The following TMEM182 variants were observed in gnomAD, a reference collection of about 807,000 sequenced individuals.
TMEM182 encodes transmembrane protein 182.
A neutral mutation model predicts 26.8 loss-of-function variants in TMEM182; 20 were observed. The ratio of observed to expected loss-of-function variants is 0.75; its 90% CI spans 0.53 to 1.09. The LOEUF is 1.09. Ranked by LOEUF, TMEM182 falls within the 50% of genes least tolerant of loss-of-function variation. The pLI, the probability that TMEM182 is intolerant of heterozygous loss-of-function variation, is 0.00. For missense variants in TMEM182, 277 were observed against 275.5 expected (o/e 1.01, Z -0.04); for synonymous variants, 109 against 102.2 (o/e 1.07, Z -0.40).
At chr2:102,841,494 G>A (rs922497735) in intron 3 of TMEM182, among the ~76,000 whole-genome samples, 1 of 152,128 alleles carries the variant, frequency 6.6e-6, no homozygotes, top group Non-Finnish European at 1.5e-5. Context: ...TTGGCAAGCC[G>A]AGCCCCAGTA....
At chr2:102,787,428 C>T (rs58157716) in intron 3 of TMEM182, among the ~76,000 whole-genome samples, 56 of 152,302 alleles carry the variant, frequency 3.7e-4, no homozygotes, top group African/African-American at 1.3e-3. Flanking sequence ...TCATGAGGAC[C>T]CTACTCTCAT....
In TMEM182 at chr2:102,798,003, A is replaced by G. The variant is rs1681952602; in HGVS notation, c.469+3A>G. The G allele has an allele frequency of 6.2e-7, 1 of 1,611,878 alleles. No individual in the cohort carries two copies. The highest frequency in any genetic ancestry group is 1.1e-5 in the South Asian group (1 of 90,616). On this transcript the variant is annotated splice_donor_region_variant and intron_variant, in intron 4 of 4. Coordinates refer to ENST00000412401, the MANE Select transcript of TMEM182 (RefSeq NM_144632.5). Reference sequence around the variant, plus strand: ...GGGAGGCTCATATATTGCTGCAGGTACGTACGGTGCAATGGGTATGACTTT... The same window carrying G: ...GGGAGGCTCATATATTGCTGCAGGTGCGTACGGTGCAATGGGTATGACTTT...
At chr2:102,809,967 A>G (rs543247323) in intron 4 of TMEM182, among the ~76,000 whole-genome samples, 41 of 152,334 alleles carry the variant, frequency 2.7e-4, no homozygotes, top group African/African-American at 9.4e-4. Context: ...AAGCATGACT[A>G]AAGGAGGCCA....
exon 1 of TMEM182, chr2:102,736,946 T>G (rs1573473905): frequency 6.2e-6 from 7 of 1,135,306 alleles, no homozygotes; most frequent in Non-Finnish European, 8.4e-6. Context: ...GCTCCGCGGG[T>G]GCGTGGCCGG....
At position 102,745,988 on chromosome 2, in the gene TMEM182, C is replaced by CT. The variant is rs1679684475; in HGVS notation, c.-83+8976dup. Reference sequence around the variant, plus strand: ...TAGAATTAGTGGGTTGATGGTACCTCTATGTTTAAACTTTGGAGAAACTCA... The same window carrying CT: ...TAGAATTAGTGGGTTGATGGTACCTCTTATGTTTAAACTTTGGAGAAACTCA... On this transcript the variant is annotated intron_variant, in intron 1 of 5. Transcript: ENST00000409173. Among the ~76,000 whole-genome samples, 5 of 152,276 alleles carry CT rather than the reference C, an allele frequency of 3.3e-5. No homozygotes were observed. In the South Asian group the frequency reaches 1.0e-3, roughly 32 times the overall value.
intron 3 of TMEM182, among the ~76,000 whole-genome samples, chr2:102,840,821 T>A (rs1683335543): frequency 6.6e-6 from 1 of 152,200 alleles, no homozygotes; most frequent in South Asian, 2.1e-4. Flanking sequence ...ATGAACTACA[T>A]AACTGACAAA....
At chr2:102,759,208 A>G (rs1049517411), upstream of TMEM182, among the ~76,000 whole-genome samples, 1 of 152,250 alleles carries the variant, frequency 6.6e-6, no homozygotes, top group Non-Finnish European at 1.5e-5. Context: ...AATTTGAACC[A>G]TAAACCATTG....
At chr2:102,783,090 C>T (rs1279395892) in intron 3 of TMEM182, among the ~76,000 whole-genome samples, 2 of 152,072 alleles carry the variant, frequency 1.3e-5, no homozygotes, top group Admixed American at 6.5e-5. Flanking sequence ...TGTTGTTATG[C>T]ACTATGGAGG....
chr2:102,741,101 C>A (rs1223328767), intron 1 of TMEM182, among the ~76,000 whole-genome samples: 9 of 152,048 alleles, frequency 5.9e-5, no homozygotes, highest in Non-Finnish European at 1.3e-4. Context: ...AACTGAAAAC[C>A]AACAACTTTT....
intron 3 of TMEM182, among the ~76,000 whole-genome samples, chr2:102,790,029 C>G (rs369040275): frequency 6.6e-6 from 1 of 152,146 alleles, no homozygotes; most frequent in African/African-American, 2.4e-5. Context: ...TCCTGCCATT[C>G]GACACCATAA....
At chr2:102,794,886 T>C (rs1453469480) in intron 3 of TMEM182, among the ~76,000 whole-genome samples, 4 of 152,326 alleles carry the variant, frequency 2.6e-5, no homozygotes, top group African/African-American at 9.6e-5. Context: ...TATTTTTTCT[T>C]CACCAATATC....
At chr2:102,775,396 A>G (rs1259759923) in intron 3 of TMEM182, 1 of 152,220 alleles carries the variant, frequency 6.6e-6, no homozygotes, top group Admixed American at 6.5e-5. Flanking sequence ...TCTCAAAATA[A>G]TAAGAGCTAT....
In TMEM182 at chr2:102,832,785, ACACT is replaced by A. The variant is rs746730382; in HGVS notation, c.326-10624_326-10621del. ...ACTTACTTTCTCCCCCACCACACAC[ACACT>A]CAAGAATTGCCCAGGAATAAGGTAA... On this transcript the variant is annotated intron_variant, in intron 3 of 3. Transcript: ENST00000486293. 1.1e-4 allele frequency among the ~76,000 whole-genome samples: 16 copies of A among 152,316 alleles called. No individual in the cohort carries two copies. The South Asian group carries it at 3.1e-3, about 30-fold the overall frequency.
At chr2:102,778,260 TG>T (rs888825582) in intron 3 of TMEM182, among the ~76,000 whole-genome samples, 2 of 152,000 alleles carry the variant, frequency 1.3e-5, no homozygotes, top group African/African-American at 2.4e-5. Flanking sequence ...CAATATGTGA[TG>T]TTTTTAGTAG....
chr2:102,768,081 A>C (rs1018707858), intron 3 of TMEM182, among the ~76,000 whole-genome samples: 2 of 152,190 alleles, frequency 1.3e-5, no homozygotes, highest in African/African-American at 4.8e-5. Flanking sequence ...CCACTGGTAC[A>C]TGCACTGGGC....
At chr2:102,826,025 TAAC>T (rs141802873) in intron 3 of TMEM182, among the ~76,000 whole-genome samples, 203 of 152,316 alleles carry the variant, frequency 1.3e-3, no homozygotes, top group Non-Finnish European at 2.6e-3. Flanking sequence ...TTGCATGAAT[TAAC>T]AACTGAATTG....
chr2:102,819,143 T>C (rs1031055878), downstream of TMEM182, among the ~76,000 whole-genome samples: 1 of 152,216 alleles, frequency 6.6e-6, no homozygotes, highest in South Asian at 2.1e-4. Context: ...ATATGACAAT[T>C]CATTTTTTCT....
chr2:102,739,351 A>G lies in TMEM182; in HGVS notation c.-83+2338A>G, dbSNP rs571585194. Among the ~76,000 whole-genome samples the G allele has an allele frequency of 1.1e-4, 17 of 152,278 alleles. No individual in the cohort carries two copies. The South Asian group carries it at 1.2e-3, about 11-fold the overall frequency. ...AATACCCCAAGCTCAGTGTTCCTCA[A>G]TTTTGATGTATAGCGTTCATATGGG... On this transcript the variant is annotated intron_variant, in intron 1 of 5. Transcript: ENST00000409173.
At chr2:102,758,597 T>G (rs2732838), upstream of TMEM182, 289,697 of 658,824 alleles carry the variant, frequency 0.44, 65,611 homozygotes, top group African/African-American at 0.63. Flanking sequence ...GCTTAACAAG[T>G]ACCAAGCTGG....
Sources: allele counts gnomAD v4.1 joint callset (sites outside exome capture counted in the v4.1 genomes callset), GRCh38; gene constraint gnomAD v4.1.1; transcripts MANE v1.5; gene names NCBI Gene and HGNC (gene_info 2026-07-23, HGNC 2026-07-21).